The following RNF217 variants were observed in gnomAD, a reference collection of about 807,000 sequenced individuals.
The protein encoded by RNF217 is E3 ubiquitin-protein ligase RNF217.
A neutral mutation model predicts 57.8 loss-of-function variants in RNF217; 31 were observed. The ratio of observed to expected loss-of-function variants is 0.54; its 90% CI spans 0.40 to 0.72. The LOEUF (loss-of-function observed/expected upper bound fraction) is 0.72, where lower values mean the gene tolerates loss of function less well. RNF217 is among the 30% of genes least tolerant of loss of function. The pLI, the probability that RNF217 is intolerant of heterozygous loss-of-function variation, is 0.00. For synonymous variants in RNF217, 313 were observed against 294.0 expected (o/e 1.06, Z -0.66); for missense variants, 696 against 708.3 (o/e 0.98, Z 0.20).
intron 1 of RNF217, among the ~76,000 whole-genome samples, chr6:124,970,538 T>C (rs1458815569): frequency 6.6e-6 from 1 of 152,196 alleles, no homozygotes; most frequent in Non-Finnish European, 1.5e-5. Flanking sequence ...AGAAATTTGA[T>C]GTGCCTTTTA....
intron 1 of RNF217, among the ~76,000 whole-genome samples, chr6:125,036,651 A>T (rs1786632925): frequency 6.6e-6 from 1 of 152,258 alleles, no homozygotes; most frequent in South Asian, 2.1e-4. Flanking sequence ...TCCAGAATCT[A>T]CAAGTAACGT....
chr6:125,087,339 C>T lies in RNF217; in HGVS notation c.*4402C>T, dbSNP rs1788800214. 6.6e-6 allele frequency: 1 copy of T among 152,170 alleles called. No homozygotes were observed. The highest frequency in any genetic ancestry group is 1.5e-5 in the Non-Finnish European group (1 of 68,026). The allele number at this position is 152,170 out of a possible 1,614,324, so 9.4% of individuals were successfully genotyped here. On this transcript the variant is annotated 3_prime_UTR_variant, in exon 6 of 6. Transcript: ENST00000521654. ...ATTTTAATTTTATAAGCAACCTGCA[C>T]ATAAGCCTTAATGTGAGTCTTCACA...
chr6:125,058,324 G>A (rs994181914), intron 3 of RNF217, among the ~76,000 whole-genome samples: 50 of 151,900 alleles, frequency 3.3e-4, no homozygotes, highest in Non-Finnish European at 5.6e-4. Flanking sequence ...ATTTAAGGAG[G>A]CCACATATAA....
intron 3 of RNF217, among the ~76,000 whole-genome samples, chr6:125,075,080 G>C (rs1189805776): frequency 1.3e-5 from 2 of 152,178 alleles, no homozygotes; most frequent in African/African-American, 4.8e-5. Context: ...ACCACTTGCT[G>C]CCCAGGACAG....
At chr6:125,038,112 G>T (rs1786719666) in intron 1 of RNF217, among the ~76,000 whole-genome samples, 1 of 152,154 alleles carries the variant, frequency 6.6e-6, no homozygotes, top group Non-Finnish European at 1.5e-5. Context: ...GTGGATAATA[G>T]TGTCTCTTAA....
Position 125,045,286 on chromosome 6 carries a change from T to C in RNF217, c.958T>C (p.Tyr320His). ...ATTCTTGGAAGAAACAACTGTTGTC[T>C]ATAACTTAACGCATGAAGACTCCAT... ...FEFLEETTVVYNLTHEDSIKY... is the reference protein window; with the variant it reads ...FEFLEETTVVHNLTHEDSIKY... Residue 320 changes from tyrosine (Y) to histidine (H), a missense_variant, in exon 2 of 6, where the codon TAT (tyrosine) becomes CAT (histidine). Transcript: ENST00000521654. 6.2e-7 allele frequency: 1 copy of C among 1,613,420 alleles called. No homozygotes were observed. Among genetic ancestry groups the C allele is most frequent in the Non-Finnish European group, 8.5e-7 (1 of 1,179,602 alleles).
At chr6:125,029,697 A>G (rs1321714859) in intron 1 of RNF217, among the ~76,000 whole-genome samples, 1 of 152,210 alleles carries the variant, frequency 6.6e-6, no homozygotes, top group African/African-American at 2.4e-5. Flanking sequence ...TAAAGTGTCA[A>G]ACGTTGATTA....
chr6:125,030,255 C>G (rs952892929), intron 1 of RNF217, among the ~76,000 whole-genome samples: 2 of 152,116 alleles, frequency 1.3e-5, no homozygotes, highest in Non-Finnish European at 2.9e-5. Context: ...AGTGGGGGCA[C>G]AGCCAAACCA....
chr6:125,000,301 A>T (rs1295381205), intron 1 of RNF217, among the ~76,000 whole-genome samples: 1 of 152,076 alleles, frequency 6.6e-6, no homozygotes, highest in Non-Finnish European at 1.5e-5. Flanking sequence ...TTACTTAAAA[A>T]TTTGTCTTAA....
chr6:125,023,591 T>C (rs1309787491), intron 1 of RNF217, among the ~76,000 whole-genome samples: 2 of 151,934 alleles, frequency 1.3e-5, no homozygotes, highest in African/African-American at 2.4e-5. Flanking sequence ...CTCAAGGAAA[T>C]GAAATTAGTA....
intron 3 of RNF217, among the ~76,000 whole-genome samples, chr6:125,072,301 A>C (rs1267865969): frequency 6.6e-6 from 1 of 152,180 alleles, no homozygotes; most frequent in Non-Finnish European, 1.5e-5. Flanking sequence ...TGTGTACTTG[A>C]CAGTTGGTAA....
At chr6:125,034,609 T>C (rs1240528231) in intron 1 of RNF217, among the ~76,000 whole-genome samples, 2 of 152,188 alleles carry the variant, frequency 1.3e-5, no homozygotes, top group African/African-American at 2.4e-5. Flanking sequence ...CCTTGTAGTA[T>C]AGTTTGAAGT....
At chr6:124,977,852 G>A (rs561185185) in intron 1 of RNF217, among the ~76,000 whole-genome samples, 1 of 152,256 alleles carries the variant, frequency 6.6e-6, no homozygotes, top group South Asian at 2.1e-4. Context: ...GGTTATTAGG[G>A]AGTTGCAGAG....
chr6:125,061,288 A>G (rs1214963396), intron 3 of RNF217, among the ~76,000 whole-genome samples: 2 of 152,078 alleles, frequency 1.3e-5, no homozygotes, highest in Non-Finnish European at 2.9e-5. Flanking sequence ...AATTCCACCT[A>G]GAAAGTTTGA....
chr6:125,057,817 C>A, intron 2 of RNF217, 125 bp from the exon 3 acceptor site: 1 of 716,494 alleles, frequency 1.4e-6, no homozygotes, highest in Non-Finnish European at 2.2e-6. Flanking sequence ...TAGTTTGAGT[C>A]TTATAGAGGG....
chr6:125,049,015 C>G (rs921119238), intron 2 of RNF217, among the ~76,000 whole-genome samples: 1 of 152,004 alleles, frequency 6.6e-6, no homozygotes, highest in Non-Finnish European at 1.5e-5. Context: ...CTGTCTTCTT[C>G]TCCCTAAAAC....
chr6:125,063,225 T>A (rs550509374), intron 3 of RNF217, among the ~76,000 whole-genome samples: 2 of 152,258 alleles, frequency 1.3e-5, no homozygotes, highest in East Asian at 3.9e-4. Flanking sequence ...AGTTTCTAAG[T>A]CAAAAATTAA....
At chr6:125,019,972 G>A (rs997742371) in intron 1 of RNF217, among the ~76,000 whole-genome samples, 1 of 152,092 alleles carries the variant, frequency 6.6e-6, no homozygotes, top group Non-Finnish European at 1.5e-5. Flanking sequence ...AACCCTGGGC[G>A]AGGGACTCCA....
intron 1 of RNF217, among the ~76,000 whole-genome samples, chr6:125,003,974 A>G (rs1334159353): frequency 6.6e-6 from 1 of 152,148 alleles, no homozygotes; most frequent in Non-Finnish European, 1.5e-5. Context: ...CCAGTAGCCA[A>G]ATGATGTCAA....
Sources: gnomAD v4.1 joint callset for allele counts (sites outside exome capture counted in the v4.1 genomes callset) on GRCh38, gnomAD v4.1.1 for gene constraint, MANE v1.5 for transcripts, NCBI Gene and HGNC (gene_info 2026-07-23, HGNC 2026-07-21) for gene names.